The following ARHGAP28 variants were observed in gnomAD, a reference collection of about 807,000 sequenced individuals.
ARHGAP28 encodes rho GTPase-activating protein 28.
In ARHGAP28, 56 loss-of-function variants were observed where a neutral mutation model predicts 90.7. That is an observed-to-expected ratio of 0.62 (90% CI 0.50 to 0.77). The LOEUF is 0.77. Among genes scored for constraint, ARHGAP28 ranks in the 30% least tolerant of loss-of-function variants. The pLI is 0.00. For missense variants in ARHGAP28, 869 were observed against 900.9 expected, an observed-to-expected ratio of 0.96 and a Z score of 0.45; for synonymous variants, 308 against 323.3, an observed-to-expected ratio of 0.95 and a Z score of 0.51.
rs1399012506 is a variant in ARHGAP28 at position 6,915,009 on chromosome 18, T to A, written c.*2855T>A. 6.6e-6 allele frequency: 1 copy of A among 152,660 alleles called. No individual in the cohort carries two copies. The highest frequency in any genetic ancestry group is 1.5e-5 in the Non-Finnish European group (1 of 68,038). The allele number at this position is 152,660 out of a possible 1,614,324, so 9.5% of individuals were successfully genotyped here. A position where few individuals can be genotyped will look rare whatever the true frequency, so the allele number is the denominator to read the frequency against. ...AATGAATGGACTTTAACAATTGTTG[T>A]TACAAACTGTGCCTGAATCTTATTA... On this transcript the variant is annotated 3_prime_UTR_variant, in exon 18 of 18. Transcript: ENST00000383472.
intron 1 of ARHGAP28, among the ~76,000 whole-genome samples, chr18:6,782,502 C>T (rs12968772): frequency 6.6e-6 from 1 of 150,566 alleles, no homozygotes; most frequent in Non-Finnish European, 1.5e-5. Flanking sequence ...ACTGCAACCT[C>T]TGCCTCCTGC....
rs2057403559 is a variant in ARHGAP28 at position 6,912,238 on chromosome 18, A to AG, written c.*84_*85insG. 1 of 740,160 alleles carries AG rather than the reference A, an allele frequency of 1.4e-6. No homozygotes were observed. Among genetic ancestry groups the AG allele is most frequent in the Admixed American group, 2.7e-5 (1 of 37,344 alleles). 45.8% of individuals were successfully genotyped at this position (740,160 alleles called of 1,614,324 possible). A position where few individuals can be genotyped will look rare whatever the true frequency, so the allele number is the denominator to read the frequency against. On this transcript the variant is annotated 3_prime_UTR_variant, in exon 18 of 18. Transcript: ENST00000383472. Reference sequence around the variant, plus strand: ...TAGGGAAAAAACAACACTGTGTTTGACGTATTTGTTCCTACAGCATTCTCA... The same window carrying AG: ...TAGGGAAAAAACAACACTGTGTTTGAGCGTATTTGTTCCTACAGCATTCTCA...
At chr18:6,793,063 G>A (rs1011098266) in intron 1 of ARHGAP28, among the ~76,000 whole-genome samples, 15 of 152,036 alleles carry the variant, frequency 9.9e-5, no homozygotes, top group African/African-American at 3.6e-4. Flanking sequence ...TGATTATATT[G>A]GGTCCAAAAG....
At chr18:6,853,935 A>T (rs568370841) in intron 4 of ARHGAP28, among the ~76,000 whole-genome samples, 1 of 152,330 alleles carries the variant, frequency 6.6e-6, no homozygotes, top group South Asian at 2.1e-4. Flanking sequence ...CCGTGGGCAC[A>T]TGTTGTCAGG....
At chr18:6,736,841 A>T (rs915382676) in intron 1 of ARHGAP28, among the ~76,000 whole-genome samples, 67 of 144,450 alleles carry the variant, frequency 4.6e-4, no homozygotes, top group African/African-American at 1.8e-3. Flanking sequence ...AGAGAGTATT[A>T]CTGAAACTAT....
At chr18:6,767,217 G>A (rs2056206633) in intron 1 of ARHGAP28, among the ~76,000 whole-genome samples, 1 of 151,920 alleles carries the variant, frequency 6.6e-6, no homozygotes, top group African/African-American at 2.4e-5. Context: ...CATTTCCTGT[G>A]TAAGAATCTT....
At position 6,878,849 on chromosome 18, in the gene ARHGAP28, A is replaced by G. The variant is rs141100877; in HGVS notation, c.1290+2641A>G. ...AAGACATTGAAACGTGATGCATTAA[A>G]GGGTTCTTTATTCCTCTCCTTTATT... On this transcript the variant is annotated intron_variant, in intron 10 of 17. Coordinates refer to ENST00000383472, the MANE Select transcript of ARHGAP28 (RefSeq NM_001366230.1). Among the ~76,000 whole-genome samples, 214 of 152,350 alleles carry G rather than the reference A, an allele frequency of 1.4e-3. 1 individual carries two copies. Among genetic ancestry groups the G allele is most frequent in the African/African-American group, 4.9e-3 (205 of 41,588 alleles).
At chr18:6,905,130 A>G (rs1303950029) in intron 16 of ARHGAP28, among the ~76,000 whole-genome samples, 1 of 152,136 alleles carries the variant, frequency 6.6e-6, no homozygotes, top group African/African-American at 2.4e-5. Flanking sequence ...AAAGCCCTAC[A>G]GACCAGTATC....
At chr18:6,856,014 T>C (rs2056950643) in intron 4 of ARHGAP28, among the ~76,000 whole-genome samples, 2 of 152,168 alleles carry the variant, frequency 1.3e-5, no homozygotes, top group South Asian at 4.1e-4. Context: ...ACAAGCCGAG[T>C]GCAGCCTGCT....
At chr18:6,775,678 A>T (rs1017370702) in intron 1 of ARHGAP28, among the ~76,000 whole-genome samples, 9 of 152,090 alleles carry the variant, frequency 5.9e-5, no homozygotes, top group Admixed American at 4.6e-4. Context: ...CTAAATAGGG[A>T]GACTTTCCTT....
At chr18:6,765,908 A>G (rs565948713) in intron 1 of ARHGAP28, among the ~76,000 whole-genome samples, 23 of 152,066 alleles carry the variant, frequency 1.5e-4, no homozygotes, top group Non-Finnish European at 3.1e-4. Flanking sequence ...TTAATTTCCA[A>G]TCTTTGGGGA....
At chr18:6,757,280 A>G (rs2056119038) in intron 1 of ARHGAP28, among the ~76,000 whole-genome samples, 1 of 152,236 alleles carries the variant, frequency 6.6e-6, no homozygotes, top group South Asian at 2.1e-4. Flanking sequence ...AGAAAACCCT[A>G]TTAGACATTC....
At chr18:6,840,611 G>A (rs1375165855) in intron 3 of ARHGAP28, among the ~76,000 whole-genome samples, 2 of 152,170 alleles carry the variant, frequency 1.3e-5, no homozygotes, top group Non-Finnish European at 2.9e-5. Context: ...CTAACAGGGT[G>A]CATTTGTGGT....
rs372808791 is a variant in ARHGAP28, at chr18:6,813,946, T to C, written c.123-10816T>C. ...TCTGTTTCATTGGAAACCCTAGTTA[T>C]GGCTTTCCAATTCAAAGCTGTTTAT... On this transcript the variant is annotated intron_variant, in intron 1 of 17. Coordinates refer to ENST00000383472, the MANE Select transcript of ARHGAP28 (RefSeq NM_001366230.1). Among the ~76,000 whole-genome samples, 55 of 152,286 alleles carry C rather than the reference T, an allele frequency of 3.6e-4. 1 individual carries two copies. In the South Asian group the frequency reaches 0.011, roughly 31 times the overall value.
intron 1 of ARHGAP28, among the ~76,000 whole-genome samples, chr18:6,765,695 T>C (rs1360090706): frequency 2.0e-5 from 3 of 152,184 alleles, no homozygotes; most frequent in Non-Finnish European, 2.9e-5. Flanking sequence ...TTCCGTAAGA[T>C]GGAAGCTTAG....
intron 1 of ARHGAP28, among the ~76,000 whole-genome samples, chr18:6,801,935 G>A (rs918839833): frequency 3.9e-4 from 60 of 151,960 alleles, no homozygotes; most frequent in African/African-American, 1.4e-3. Context: ...TTCAGCCTCT[G>A]GTAACTACCA....
chr18:6,841,446 G>A (rs996307434), intron 3 of ARHGAP28, among the ~76,000 whole-genome samples: 101 of 150,938 alleles, frequency 6.7e-4, no homozygotes, highest in African/African-American at 2.4e-3. Flanking sequence ...TATCTAGTAA[G>A]GATATAAGTA....
chr18:6,741,696 T>C (rs985193052), intron 1 of ARHGAP28, among the ~76,000 whole-genome samples: 4 of 152,258 alleles, frequency 2.6e-5, no homozygotes, highest in Non-Finnish European at 5.9e-5. Context: ...AGCGGACTTT[T>C]GAAGTTTATC....
chr18:6,833,836 T>A (rs1425386842), intron 2 of ARHGAP28, among the ~76,000 whole-genome samples: 1 of 152,176 alleles, frequency 6.6e-6, no homozygotes, highest in Non-Finnish European at 1.5e-5. Flanking sequence ...ACCAAGTTAT[T>A]TCTTTATATC....
Sources: allele counts gnomAD v4.1 joint callset (sites outside exome capture counted in the v4.1 genomes callset), GRCh38; gene constraint gnomAD v4.1.1; transcripts MANE v1.5; gene names NCBI Gene and HGNC (gene_info 2026-07-23, HGNC 2026-07-21).